The following AUTS2 variants were observed in gnomAD, a reference collection of about 807,000 sequenced individuals.
AUTS2 encodes activator of transcription and developmental regulator AUTS2, also known as autism susceptibility gene 2 protein.
AUTS2 carries 17 observed loss-of-function variants against 112.4 expected under a neutral mutation model. The ratio of observed to expected loss-of-function variants is 0.15; its 90% confidence interval spans 0.10 to 0.23. AUTS2 has a LOEUF of 0.23. AUTS2 is among the 10% of genes least tolerant of loss of function. The pLI is 1.00. For missense variants in AUTS2, 1,510 were observed against 1,701.6 expected, an observed-to-expected ratio of 0.89 and a Z score of 1.98; for synonymous variants, 751 against 702.7, an observed-to-expected ratio of 1.07 and a Z score of -1.09.
At chr7:69,864,282 C>T (rs928116857) in intron 1 of AUTS2, among the ~76,000 whole-genome samples, 2 of 152,110 alleles carry the variant, frequency 1.3e-5, no homozygotes, top group East Asian at 3.9e-4. Context: ...TTTCCCCCTA[C>T]GGTGCAGCCA....
chr7:70,575,122 C>T (rs183358838), intron 5 of AUTS2, among the ~76,000 whole-genome samples: 35 of 152,318 alleles, frequency 2.3e-4, no homozygotes, highest in Non-Finnish European at 3.7e-4. Context: ...TTAAAACGCT[C>T]GCAGAGACCT....
intron 2 of AUTS2, among the ~76,000 whole-genome samples, chr7:69,957,659 C>A (rs1399795606): frequency 6.6e-6 from 1 of 151,884 alleles, no homozygotes; most frequent in Non-Finnish European, 1.5e-5. Context: ...TTCTGGAGGA[C>A]TAAGTAATTA....
At chr7:69,991,496 A>G (rs983461633) in intron 2 of AUTS2, among the ~76,000 whole-genome samples, 1 of 152,178 alleles carries the variant, frequency 6.6e-6, no homozygotes, top group African/African-American at 2.4e-5. Flanking sequence ...CTGTATCCCA[A>G]ATTGACACAC....
intron 2 of AUTS2, among the ~76,000 whole-genome samples, chr7:70,113,000 T>G (rs1805163372): frequency 6.6e-6 from 1 of 152,106 alleles, no homozygotes; most frequent in Non-Finnish European, 1.5e-5. Context: ...ACGTTTAAAT[T>G]TTACTAATGG....
chr7:69,799,559 A>T (rs917001889), intron 1 of AUTS2, among the ~76,000 whole-genome samples: 2 of 152,174 alleles, frequency 1.3e-5, no homozygotes, highest in Non-Finnish European at 2.9e-5. Context: ...CATCTCAGAA[A>T]TTGCTCAGCT....
intron 2 of AUTS2, among the ~76,000 whole-genome samples, chr7:70,083,371 C>T (rs1239875726): frequency 6.6e-6 from 1 of 152,146 alleles, no homozygotes; most frequent in Non-Finnish European, 1.5e-5. Context: ...CAAGTTGCCT[C>T]TATCTACTTT....
intron 4 of AUTS2, among the ~76,000 whole-genome samples, chr7:70,218,205 C>G (rs1434660737): frequency 6.6e-6 from 1 of 152,182 alleles, no homozygotes; most frequent in Non-Finnish European, 1.5e-5. Flanking sequence ...ATTCATCCAC[C>G]AAGGGGGCAG....
chr7:70,521,151 C>A (rs1799628486), intron 5 of AUTS2, among the ~76,000 whole-genome samples: 1 of 152,140 alleles, frequency 6.6e-6, no homozygotes. Context: ...ACCCTTGTTC[C>A]TTGAGTGGAG....
At chr7:69,769,607 C>G (rs1325202502) in intron 1 of AUTS2, among the ~76,000 whole-genome samples, 1 of 152,190 alleles carries the variant, frequency 6.6e-6, no homozygotes, top group African/African-American at 2.4e-5. Flanking sequence ...TATCTCCCTC[C>G]CCTCCTTTCC....
At chr7:69,634,906 C>G (rs1005596008) in intron 1 of AUTS2, among the ~76,000 whole-genome samples, 4 of 152,096 alleles carry the variant, frequency 2.6e-5, no homozygotes, top group African/African-American at 7.2e-5. Flanking sequence ...TTTGAGGGCT[C>G]TCCCTCCCAA....
intron 1 of AUTS2, among the ~76,000 whole-genome samples, chr7:69,667,373 AG>A (rs1796108033): frequency 9.0e-6 from 1 of 110,594 alleles, no homozygotes; most frequent in Non-Finnish European, 1.8e-5. Context: ...TTTTTTTTTG[AG>A]ATGGAGTCTT....
At chr7:70,136,342 T>C (rs1237413568) in intron 4 of AUTS2, among the ~76,000 whole-genome samples, 1 of 152,212 alleles carries the variant, frequency 6.6e-6, no homozygotes, top group Non-Finnish European at 1.5e-5. Context: ...AGCTTTCAAC[T>C]GTGACAAAAA....
At chr7:70,028,288 T>G (rs1800618134) in intron 2 of AUTS2, among the ~76,000 whole-genome samples, 1 of 152,200 alleles carries the variant, frequency 6.6e-6, no homozygotes, top group Non-Finnish European at 1.5e-5. Flanking sequence ...ATTCTATCTT[T>G]TATCCCTATT....
chr7:70,739,165 C>T (rs536417333), intron 6 of AUTS2, among the ~76,000 whole-genome samples: 1 of 151,318 alleles, frequency 6.6e-6, no homozygotes, highest in African/African-American at 2.4e-5. Context: ...TAGGTGGGAC[C>T]ATAGGTGTGC....
chr7:70,290,560 A>G (rs1411577236), intron 4 of AUTS2: 3 of 1,489,958 alleles, frequency 2.0e-6, no homozygotes, highest in Non-Finnish European at 8.9e-7. Context: ...TATGTGATAT[A>G]GATTCTGTTG....
At chr7:70,475,828 G>A (rs962637361) in intron 5 of AUTS2, among the ~76,000 whole-genome samples, 11 of 152,132 alleles carry the variant, frequency 7.2e-5, no homozygotes, top group Admixed American at 1.3e-4. Context: ...TTGAGGCCAG[G>A]AATTTGAGAC....
intron 4 of AUTS2, among the ~76,000 whole-genome samples, chr7:70,289,878 T>C (rs1383173749): frequency 5.3e-5 from 8 of 152,214 alleles, no homozygotes; most frequent in African/African-American, 1.7e-4. Flanking sequence ...CATAAATAAC[T>C]AAATTCTCTA....
intron 4 of AUTS2, among the ~76,000 whole-genome samples, chr7:70,324,041 G>A (rs769603926): frequency 5.3e-5 from 8 of 152,170 alleles, no homozygotes; most frequent in African/African-American, 7.2e-5. Context: ...TCCTCCTCCC[G>A]CCTTGGACAA....
intron 2 of AUTS2, among the ~76,000 whole-genome samples, chr7:70,084,029 C>T (rs567669718): frequency 2.0e-5 from 3 of 152,176 alleles, no homozygotes; most frequent in African/African-American, 4.8e-5. Context: ...CACCTCCCTT[C>T]CATCTCCACC....
Sources: allele counts gnomAD v4.1 joint callset (sites outside exome capture counted in the v4.1 genomes callset), GRCh38; gene constraint gnomAD v4.1.1; transcripts MANE v1.5; gene names NCBI Gene and HGNC (gene_info 2026-07-23, HGNC 2026-07-21).